The following INSRR variants were observed in gnomAD, a reference collection of about 807,000 sequenced individuals.
INSRR encodes insulin receptor-related protein.
A neutral mutation model predicts 130.0 loss-of-function variants in INSRR; 114 were observed. That is an observed-to-expected ratio of 0.88 (90% CI 0.75 to 1.02). The LOEUF (loss-of-function observed/expected upper bound fraction) is 1.02. INSRR is among the 50% of genes least tolerant of loss of function. The pLI is 0.00. For synonymous variants in INSRR, 674 were observed against 705.2 expected, an observed-to-expected ratio of 0.96 and a Z score of 0.70; for missense variants, 1,657 against 1,735.2, an observed-to-expected ratio of 0.95 and a Z score of 0.80.
At chr1:156,843,383 G>T in intron 16 of INSRR, 44 bp downstream of exon 16, 1 of 1,601,786 alleles carries the variant, frequency 6.2e-7, no homozygotes, top group Non-Finnish European at 8.6e-7. Flanking sequence ...CTCCTCTCCT[G>T]TCTCCCTTTC....
intron 2 of INSRR, among the ~76,000 whole-genome samples, chr1:156,853,335 T>C (rs919999446): frequency 2.0e-5 from 3 of 152,190 alleles, no homozygotes; most frequent in African/African-American, 7.2e-5. Context: ...TGACACCCAA[T>C]GATCATTTTA....
rs1654875236 is a variant in INSRR, at chr1:156,843,425, A to C, written c.2896+2T>G. 1 of 1,613,932 alleles carries C rather than the reference A, an allele frequency of 6.2e-7. No homozygotes were observed. Among genetic ancestry groups the C allele is most frequent in the Non-Finnish European group, 8.5e-7 (1 of 1,179,904 alleles). Reference sequence around the variant, plus strand: ...CACCTGTCCACCCACTCCCAGACCTACTATCAGAGGCGCTGAAGTACTCTG... The same window carrying C: ...CACCTGTCCACCCACTCCCAGACCTCCTATCAGAGGCGCTGAAGTACTCTG... On this transcript the variant is annotated splice_donor_variant, in intron 16 of 21. Coordinates refer to ENST00000368195, the MANE Select transcript of INSRR (RefSeq NM_014215.3). LOFTEE classifies it high-confidence loss of function.
At chr1:156,842,958 C>G in intron 17 of INSRR, 46 bp downstream of exon 17, 1 of 1,460,784 alleles carries the variant, frequency 6.8e-7, no homozygotes, top group South Asian at 1.2e-5. Flanking sequence ...ACCACATGAC[C>G]TTTACACTAA....
At chr1:156,849,518 G>T in intron 5 of INSRR, 58 bp from the exon 6 acceptor site, 2 of 1,152,518 alleles carry the variant, frequency 1.7e-6, no homozygotes, top group East Asian at 2.5e-5. Flanking sequence ...GGTGGGAAAG[G>T]GGATGGCTTA....
intron 7 of INSRR, 44 bp downstream of exon 7, chr1:156,848,877 T>C (rs1011512878): frequency 1.9e-6 from 3 of 1,539,902 alleles, no homozygotes; most frequent in South Asian, 1.2e-5. Context: ...GAAATTGGCC[T>C]CGTCCGGTCC....
At position 156,845,066 on chromosome 1, in the gene INSRR, G is replaced by A. The variant is rs970525099; in HGVS notation, c.2437+10C>T. ...GATGGGGGTAGAAGGTGTGTGTGTGGATCACCTACTGTGGGGCATGGTGCG... is the reference window on the plus strand; with the variant it reads ...GATGGGGGTAGAAGGTGTGTGTGTGAATCACCTACTGTGGGGCATGGTGCG... On this transcript the variant is annotated intron_variant, in intron 12 of 21. Transcript: ENST00000368195. The A allele has an allele frequency of 6.3e-7, 1 of 1,599,062 alleles. No individual in the cohort carries two copies. The highest frequency in any genetic ancestry group is 8.5e-7 in the Non-Finnish European group (1 of 1,173,630).
chr1:156,841,036 T>C lies in INSRR; in HGVS notation c.3731A>G (p.Asp1244Gly). Residue 1244 changes from aspartate (D) to glycine (G), a missense_variant, in exon 22 of 22, where the codon GAC (aspartate) becomes GGC (glycine). Asp to Gly is a moderately conservative substitution (Grantham distance 94). Coordinates refer to ENST00000368195, the MANE Select transcript of INSRR (RefSeq NM_014215.3). ...GGGCCGCAGCTCCTCCTGTATGCTG[T>C]CCAGAATGTGTGTGAAAGATGGGCG... is the stretch of plus-strand genomic sequence containing the variant. The part of the protein sequence containing the change: ...RLRPSFTHIL[D>G]SIQEELRPSF... 1 of 1,600,742 alleles carries C rather than the reference T, an allele frequency of 6.2e-7. No individual in the cohort carries two copies. The highest frequency in any genetic ancestry group is 8.5e-7 in the Non-Finnish European group (1 of 1,173,372).
intron 19 of INSRR, 123 bp from the exon 20 acceptor site, chr1:156,841,917 G>A: frequency 6.4e-6 from 10 of 1,565,912 alleles, no homozygotes; most frequent in Non-Finnish European, 7.9e-6. Flanking sequence ...CTGGAAAGTA[G>A]GGGCTCAATG....
chr1:156,842,064 GTC>G (rs542461394), intron 19 of INSRR, 46 bp downstream of exon 19: 107 of 1,610,484 alleles, frequency 6.6e-5, no homozygotes, highest in Non-Finnish European at 8.3e-5. Context: ...GCTTAAGGGA[GTC>G]TCTCTACTTT....
In INSRR at chr1:156,841,657, G is replaced by A. The variant is rs201428101; in HGVS notation, c.3527+8C>T. The A allele has an allele frequency of 6.7e-4, 1,080 of 1,613,200 alleles. No individual in the cohort carries two copies. Among genetic ancestry groups the A allele is most frequent in the Non-Finnish European group, 8.6e-4 (1,009 of 1,179,294 alleles). On this transcript the variant is annotated splice_region_variant and intron_variant, in intron 20 of 21. Transcript: ENST00000368195. Reference sequence around the variant, plus strand: ...TCCCTGGAGCCCTGTGCTCCAGCTCGGCCCCACCAGACATCCGAGTGGGTG... The same window carrying A: ...TCCCTGGAGCCCTGTGCTCCAGCTCAGCCCCACCAGACATCCGAGTGGGTG...
Position 156,842,177 on chromosome 1 carries a change from A to G in INSRR, c.3332T>C (p.Phe1111Ser). The G allele has an allele frequency of 1.2e-6, 2 of 1,613,762 alleles. No homozygotes were observed. The highest frequency in any genetic ancestry group is 2.2e-5 in the South Asian group (2 of 91,028). ...GCGGGCTGCTAGATCTCGGTGCACAAACTTGTTGGCAGCAAGGTAGGCCAT... is the reference window on the plus strand; with the variant it reads ...GCGGGCTGCTAGATCTCGGTGCACAGACTTGTTGGCAGCAAGGTAGGCCAT... Reference protein sequence around the residue: ...DGMAYLAANKFVHRDLAARNC... With the variant: ...DGMAYLAANKSVHRDLAARNC... The change falls in exon 19 of 22, where the codon TTT becomes TCT. Residue 1111 changes from phenylalanine (F) to serine (S), a missense_variant. By Grantham distance (155) the Phe-to-Ser change is radical. Transcript: ENST00000368195.
intron 2 of INSRR, among the ~76,000 whole-genome samples, 189 bp from the exon 3 acceptor site, chr1:156,852,380 G>A (rs113373673): frequency 2.8e-4 from 42 of 152,376 alleles, no homozygotes; most frequent in African/African-American, 9.1e-4. Flanking sequence ...GACTGTGGCC[G>A]TCTGTGGCTC....
In INSRR at chr1:156,853,638, G is replaced by A. The variant is rs542510694; in HGVS notation, c.637+114C>T. On this transcript the variant is annotated intron_variant, in intron 2 of 21. Coordinates refer to ENST00000368195, the MANE Select transcript of INSRR (RefSeq NM_014215.3). ...TTACCTGCCTCATAGGATGAGTGAG[G>A]ATTAAAAAACAGTGGCAGCTGAAAG... 3.8e-6 allele frequency: 4 copies of A among 1,063,010 alleles called. No homozygotes were observed. In the East Asian group the frequency reaches 9.6e-5, roughly 26 times the overall value. 65.8% of individuals were successfully genotyped at this position (1,063,010 alleles called of 1,614,324 possible).
intron 1 of INSRR, among the ~76,000 whole-genome samples, chr1:156,856,102 C>T (rs1223310603): frequency 2.0e-5 from 3 of 151,836 alleles, no homozygotes; most frequent in African/African-American, 2.4e-5. Context: ...AGCTATCATG[C>T]GTGGCCATAT....
In INSRR at chr1:156,844,203, C is replaced by T. The variant is rs771422531; in HGVS notation, c.2815G>A (p.Ala939Thr). 6.8e-6 allele frequency: 11 copies of T among 1,613,804 alleles called. No individual in the cohort carries two copies. The Admixed American group carries it at 1.8e-4, about 27-fold the overall frequency. Reference sequence around the variant, plus strand: ...TTCTTGCCGTAGAAGAAACCAAGGGCAGCAAGAACGATGAGCAGCGTGAGC... The same window carrying T: ...TTCTTGCCGTAGAAGAAACCAAGGGTAGCAAGAACGATGAGCAGCGTGAGC... Reference protein sequence around the residue: ...VGLTLLIVLAALGFFYGKKRN... With the variant: ...VGLTLLIVLATLGFFYGKKRN... Residue 939 changes from alanine (A) to threonine (T), a missense_variant, in exon 15 of 22, where the codon GCC (alanine) becomes ACC (threonine). By Grantham distance (58) the Ala-to-Thr change is moderately conservative (BLOSUM62 0). Coordinates refer to ENST00000368195, the MANE Select transcript of INSRR (RefSeq NM_014215.3).
Position 156,858,681 on chromosome 1 carries a change from G to A in INSRR, c.-60C>T, listed in dbSNP as rs1393021533. 5 of 1,423,946 alleles carry A rather than the reference G, an allele frequency of 3.5e-6. No homozygotes were observed. The highest frequency in any genetic ancestry group is 4.6e-5 in the East Asian group (2 of 43,934). 88.2% of individuals were successfully genotyped at this position (1,423,946 alleles called of 1,614,324 possible). A position where few individuals can be genotyped will look rare whatever the true frequency, so the allele number is the denominator to read the frequency against. On this transcript the variant is annotated 5_prime_UTR_variant, in exon 1 of 22. Coordinates refer to ENST00000368195, the MANE Select transcript of INSRR (RefSeq NM_014215.3). The stretch of plus-strand genomic sequence containing the variant: ...TCCTCCCGGTGACTCTGGGGAGAAC[G>A]GTGTGATAAGCCCTAAGGGACACAG...
rs201179362 is a variant in INSRR at position 156,849,302 on chromosome 1, C to T, written c.1388G>A (p.Arg463Gln). The T allele has an allele frequency of 2.5e-6, 4 of 1,613,830 alleles. No individual in the cohort carries two copies. Among genetic ancestry groups the T allele is most frequent in the South Asian group, 1.1e-5 (1 of 91,062 alleles). The change falls in exon 6 of 22, where the codon CGA (arginine) becomes CAA (glutamine). Residue 463 changes from arginine (R) to glutamine (Q), a missense_variant. Coordinates refer to ENST00000368195, the MANE Select transcript of INSRR (RefSeq NM_014215.3). ...GATCTCAGCCTTGTTCTGCCGACCT[C>T]GCGTGCCTGTCACCTCCTCCAGTCG... is the stretch of plus-strand genomic sequence containing the variant. Reference protein sequence around the residue: ...IYRLEEVTGTRGRQNKAEINP... With the variant: ...IYRLEEVTGTQGRQNKAEINP...
chr1:156,845,620 TG>T lies in INSRR; in HGVS notation c.2172del (p.Ile725TyrfsTer6). 1 of 1,403,944 alleles carries T rather than the reference TG, an allele frequency of 7.1e-7. No individual in the cohort carries two copies. 87.0% of individuals were successfully genotyped at this position (1,403,944 alleles called of 1,614,324 possible). ...CCAGGCCGCGCGCGCTCTTCGCACA[TG>T]GGGATGGTGATCGCGTTGTGTAGAA... is the stretch of plus-strand genomic sequence containing the variant. Reference protein sequence around the residue: ...ENFLHNAITIPISPWKVTSIN... With the variant: ...ENFLHNAITIXISPWKVTSIN... On this transcript the variant is annotated frameshift_variant and splice_region_variant, in exon 10 of 22. Coordinates refer to ENST00000368195, the MANE Select transcript of INSRR (RefSeq NM_014215.3). LOFTEE classifies it high-confidence loss of function.
rs750232468 is a variant in INSRR, at chr1:156,848,911, C to G, written c.1571+10G>C. 1.3e-6 allele frequency: 2 copies of G among 1,559,432 alleles called. No individual in the cohort carries two copies. Among genetic ancestry groups the G allele is most frequent in the East Asian group, 2.4e-5 (1 of 41,860 alleles). ...CCCGCCCCCGCTCCGGCCCCGCCCC[C>G]GGCACTCACGACTCCTTGTAGTACA... On this transcript the variant is annotated intron_variant, in intron 7 of 21. Coordinates refer to ENST00000368195, the MANE Select transcript of INSRR (RefSeq NM_014215.3).
Sources: gnomAD v4.1 joint callset for allele counts (sites outside exome capture counted in the v4.1 genomes callset) on GRCh38, gnomAD v4.1.1 for gene constraint, MANE v1.5 for transcripts, NCBI Gene and HGNC (gene_info 2026-07-23, HGNC 2026-07-21) for gene names.